Variants in MAP3K12 observed in about 807,000 individuals in gnomAD.
MAP3K12 encodes MAPK-upstream kinase.
In MAP3K12, 14 loss-of-function variants were observed where a neutral mutation model predicts 87.5. That is an observed-to-expected ratio of 0.16 (90% CI 0.11 to 0.25). MAP3K12 has a LOEUF of 0.25. Ranked by LOEUF, MAP3K12 falls within the 10% of genes least tolerant of loss-of-function variation. The pLI, the probability that MAP3K12 is intolerant of heterozygous loss-of-function variation, is 1.00. For missense variants in MAP3K12, 802 were observed against 1,140.4 expected, an observed-to-expected ratio of 0.70 and a Z score of 4.27; for synonymous variants, 469 against 452.5, an observed-to-expected ratio of 1.04 and a Z score of -0.46.
Position 53,486,673 on chromosome 12 carries a change from G to C in MAP3K12, c.446-51C>G, listed in dbSNP as rs1038926247. The C allele has an allele frequency of 2.0e-6, 3 of 1,515,352 alleles. No homozygotes were observed. The highest frequency in any genetic ancestry group is 1.8e-6 in the Non-Finnish European group (2 of 1,133,878). The allele number at this position is 1,515,352 out of a possible 1,614,324, so 93.9% of individuals were successfully genotyped here. A position where few individuals can be genotyped will look rare whatever the true frequency, so the allele number is the denominator to read the frequency against. On this transcript the variant is annotated intron_variant, in intron 2 of 13. Coordinates refer to ENST00000547488, the MANE Select transcript of MAP3K12 (RefSeq NM_001193511.2). This position sits in a 1 kb window ranked among gnomAD's most constrained non-coding sequence, Gnocchi z 4.9. ...AAGCCTCAGAAAGAGCCACACTCAA[G>C]GCCAGGGACAGGATAGCATTGGGTT...
At chr12:53,500,810 C>T (rs909181040), upstream of MAP3K12, 1 of 152,576 alleles carries the variant, frequency 6.6e-6, no homozygotes, top group Non-Finnish European at 1.5e-5. Flanking sequence ...GCTGACTTTT[C>T]CTTGTCTCCG....
At position 53,485,328 on chromosome 12, in the gene MAP3K12, C is replaced by T. The variant is rs781588159; in HGVS notation, c.969G>A (p.Lys323=). ...EVIRNEPVSE[K]VDIWSFGVVL... is the part of the protein sequence containing the mutation. ...AGCCTAGTTCTCACCAGATGTCGACCTTCTCAGACACAGGTTCATTGCGGA... is the reference window on the plus strand; with the variant it reads ...AGCCTAGTTCTCACCAGATGTCGACTTTCTCAGACACAGGTTCATTGCGGA... Residue 323 remains lysine (K), a synonymous_variant, in exon 5 of 14, where the codon AAG becomes AAA. Coordinates refer to ENST00000547488, the MANE Select transcript of MAP3K12 (RefSeq NM_001193511.2). The T allele has an allele frequency of 3.7e-6, 6 of 1,613,624 alleles. No individual in the cohort carries two copies. The highest frequency in any genetic ancestry group is 5.1e-6 in the Non-Finnish European group (6 of 1,179,808).
upstream of MAP3K12, chr12:53,501,513 G>T: frequency 6.4e-7 from 1 of 1,551,330 alleles, no homozygotes; most frequent in South Asian, 1.2e-5. Flanking sequence ...GGGCCGTGCG[G>T]AGGGAGTAGC....
chr12:53,494,215 C>G (rs748904969), intron 1 of MAP3K12, among the ~76,000 whole-genome samples: 7 of 152,178 alleles, frequency 4.6e-5, no homozygotes, highest in Non-Finnish European at 1.0e-4. Flanking sequence ...GCTGTCTCTC[C>G]GTTATCAATT....
At chr12:53,488,654 T>TCTC (rs779897471) in intron 1 of MAP3K12, among the ~76,000 whole-genome samples, 2 of 151,014 alleles carry the variant, frequency 1.3e-5, no homozygotes, top group Non-Finnish European at 3.0e-5. Flanking sequence ...AGAGCGAAAC[T>TCTC]CTGTCTAAAA....
At chr12:53,501,097 G>A, upstream of MAP3K12, 1 of 428,996 alleles carries the variant, frequency 2.3e-6, no homozygotes, top group Middle Eastern at 6.5e-4. Context: ...GCGGAAGGAA[G>A]GAGGCGGGAC....
Position 53,484,846 on chromosome 12 carries a change from T to A in MAP3K12, c.1139+210A>T, listed in dbSNP as rs990275323. On this transcript the variant is annotated intron_variant, in intron 6 of 13. Coordinates refer to ENST00000547488, the MANE Select transcript of MAP3K12 (RefSeq NM_001193511.2). ...GACAAATCAGGAATGCAGATATCGT[T>A]AAGTGTATTTTATAGATGAGGAAAC... The A allele has an allele frequency of 1.6e-5, 10 of 614,030 alleles. No homozygotes were observed. The Admixed American group carries it at 3.0e-4, about 18-fold the overall frequency. 38.0% of individuals were successfully genotyped at this position (614,030 alleles called of 1,614,324 possible).
At position 53,487,284 on chromosome 12, in the gene MAP3K12, G is replaced by A; in HGVS notation, c.108C>T (p.Cys36=). The A allele has an allele frequency of 6.2e-7, 1 of 1,614,090 alleles. No homozygotes were observed. Among genetic ancestry groups the A allele is most frequent in the African/African-American group, 1.3e-5 (1 of 75,006 alleles). Residue 36 remains cysteine, a synonymous_variant, in exon 2 of 14, where the codon TGC becomes TGT. Coordinates refer to ENST00000547488, the MANE Select transcript of MAP3K12 (RefSeq NM_001193511.2). ...TAGGCGTCAGGTCCTTCTCGGGAGT[G>A]CAGTCAGAAGTGTCTGGGTCCAGCT... The part of the protein sequence containing the change: ...MRKLDPDTSD[C]TPEKDLTPTQ...
intron 1 of MAP3K12, among the ~76,000 whole-genome samples, chr12:53,494,512 G>A (rs1943497288): frequency 6.6e-6 from 1 of 152,148 alleles, no homozygotes; most frequent in Non-Finnish European, 1.5e-5. Context: ...AGGTTCTCTG[G>A]CCTGAGATTT....
upstream of MAP3K12, chr12:53,501,202 G>A: frequency 1.7e-6 from 1 of 591,006 alleles, no homozygotes; most frequent in Non-Finnish European, 3.0e-6. Context: ...GGCGAGCCAC[G>A]CACGCAGAGG....
intron 1 of MAP3K12, among the ~76,000 whole-genome samples, chr12:53,495,195 T>C (rs1224000979): frequency 2.7e-5 from 4 of 149,216 alleles, no homozygotes; most frequent in Admixed American, 2.7e-4. Flanking sequence ...AAAAATTAGC[T>C]GGGCGTGGTG....
At chr12:53,498,149 A>G (rs1592726005) in intron 1 of MAP3K12, among the ~76,000 whole-genome samples, 2 of 152,144 alleles carry the variant, frequency 1.3e-5, no homozygotes, top group African/African-American at 2.4e-5. Flanking sequence ...GAGGGGACAC[A>G]CTTTTTTTCA....
chr12:53,500,005 CCACT>C (rs1168463220), upstream of MAP3K12: 4 of 152,422 alleles, frequency 2.6e-5, no homozygotes, highest in African/African-American at 9.6e-5. Context: ...TTGATTGTCA[CCACT>C]CACTCCAATT....
At chr12:53,489,067 G>A (rs1308074151) in intron 1 of MAP3K12, among the ~76,000 whole-genome samples, 6 of 123,252 alleles carry the variant, frequency 4.9e-5, no homozygotes, top group African/African-American at 1.3e-4. Flanking sequence ...GCGACAGAGT[G>A]AAACTCTGTC....
In MAP3K12 at chr12:53,483,505, T is replaced by C; in HGVS notation, c.1476-19A>G. 1 of 1,613,966 alleles carries C rather than the reference T, an allele frequency of 6.2e-7. No individual in the cohort carries two copies. The highest frequency in any genetic ancestry group is 8.5e-7 in the Non-Finnish European group (1 of 1,179,936). ...CTCTCGCCTAAAGATCCAGGCACCT[T>C]CTCAGCTGGGCAAATGACCAGGAAG... On this transcript the variant is annotated intron_variant, in intron 9 of 13. Coordinates refer to ENST00000547488, the MANE Select transcript of MAP3K12 (RefSeq NM_001193511.2).
At chr12:53,488,918 TAAAAA>T (rs1009038164) in intron 1 of MAP3K12, among the ~76,000 whole-genome samples, 3 of 144,300 alleles carry the variant, frequency 2.1e-5, no homozygotes, top group Non-Finnish European at 4.6e-5. Context: ...TGTCTCTACT[TAAAAA>T]GAAAAAATTA....
At position 53,486,751 on chromosome 12, in the gene MAP3K12, GA is replaced by G; in HGVS notation, c.446-130del. On this transcript the variant is annotated intron_variant, in intron 2 of 13. Transcript: ENST00000547488. This position sits in a 1 kb window ranked among gnomAD's most constrained non-coding sequence, Gnocchi z 4.9. ...CAGAAAGCCAAAAATAGGCCAAGAA[GA>G]AGGTTCGAGGGGACAGGGAAGGAAT... The G allele has an allele frequency of 6.9e-7, 1 of 1,454,358 alleles. No individual in the cohort carries two copies. The highest frequency in any genetic ancestry group is 9.0e-7 in the Non-Finnish European group (1 of 1,108,916). The allele number at this position is 1,454,358 out of a possible 1,614,324, so 90.1% of individuals were successfully genotyped here. A position where few individuals can be genotyped will look rare whatever the true frequency, so the allele number is the denominator to read the frequency against.
chr12:53,493,481 G>A (rs1943472028), intron 1 of MAP3K12, among the ~76,000 whole-genome samples: 1 of 152,166 alleles, frequency 6.6e-6, no homozygotes, highest in Admixed American at 6.5e-5. Context: ...ACAGGGCACA[G>A]AAAAGGCGAA....
intron 1 of MAP3K12, among the ~76,000 whole-genome samples, chr12:53,492,362 A>ATGTT (rs765877272): frequency 4.6e-5 from 7 of 152,170 alleles, no homozygotes; most frequent in Non-Finnish European, 1.0e-4. Context: ...GGCTTGCAAC[A>ATGTT]GCACCTGGCA....
Sources: gnomAD v4.1 joint callset for allele counts (sites outside exome capture counted in the v4.1 genomes callset) on GRCh38, gnomAD v4.1.1 for gene constraint, Gnocchi (gnomAD v3.1) non-coding constraint, MANE v1.5 for transcripts, NCBI Gene and HGNC (gene_info 2026-07-23, HGNC 2026-07-21) for gene names.